The following RAP1A variants were observed in gnomAD, a reference collection of about 807,000 sequenced individuals.
RAP1A encodes ras-related protein Rap-1A.
In RAP1A, 6 loss-of-function variants were observed where a neutral mutation model predicts 26.4. The observed-to-expected ratio is 0.23, with a 90% CI of 0.12 to 0.45. RAP1A has a LOEUF of 0.45. RAP1A is among the 20% of genes least tolerant of loss of function. The pLI, the probability that RAP1A is intolerant of heterozygous loss-of-function variation, is 0.99. For synonymous variants in RAP1A, 73 were observed against 79.4 expected, an observed-to-expected ratio of 0.92 and a Z score of 0.43; for missense variants, 121 against 217.2, an observed-to-expected ratio of 0.56 and a Z score of 2.78.
Position 111,611,720 on chromosome 1 carries a change from G to C in RAP1A, c.-28+69211G>C, listed in dbSNP as rs550935148. Among the ~76,000 whole-genome samples the C allele has an allele frequency of 2.6e-5, 4 of 152,298 alleles. No homozygotes were observed. The South Asian group carries it at 6.2e-4, about 24-fold the overall frequency. On this transcript the variant is annotated intron_variant, in intron 1 of 7. Transcript: ENST00000356415. ...TTACACACACAGCTGGTAAGAAGCA[G>C]GATCAGAATTTGAACTCACGCTGTG...
chr1:111,613,270 G>T (rs1017596996), intron 1 of RAP1A, among the ~76,000 whole-genome samples: 2 of 151,690 alleles, frequency 1.3e-5, no homozygotes. Context: ...CACTATCTCG[G>T]CCCACTGCAA....
rs1662536922 is a variant in RAP1A, at chr1:111,716,151, AT to A, written c.*3751del. ...TAAGGTGCTAAATATGTGTTAAAAT[AT>A]CCCCTCTTGAATCAGCTCCAGGCTT... is the stretch of plus-strand genomic sequence containing the variant. On this transcript the variant is annotated 3_prime_UTR_variant, in exon 8 of 8. Coordinates refer to ENST00000369709, the MANE Select transcript of RAP1A (RefSeq NM_002884.4). The A allele has an allele frequency of 6.6e-6, 1 of 152,242 alleles. No individual in the cohort carries two copies. The highest frequency in any genetic ancestry group is 6.5e-5 in the Admixed American group (1 of 15,290). The allele number at this position is 152,242 out of a possible 1,614,324, so 9.4% of individuals were successfully genotyped here.
intron 1 of RAP1A, among the ~76,000 whole-genome samples, chr1:111,586,701 C>T (rs1195361151): frequency 1.3e-5 from 2 of 152,118 alleles, no homozygotes; most frequent in Non-Finnish European, 2.9e-5. Flanking sequence ...CAAGCGTTCC[C>T]TAAATATTTG....
At chr1:111,687,110 A>G (rs1244966763) in intron 1 of RAP1A, among the ~76,000 whole-genome samples, 1 of 151,626 alleles carries the variant, frequency 6.6e-6, no homozygotes, top group Non-Finnish European at 1.5e-5. Flanking sequence ...TTTCAATTCT[A>G]CCATCTTGCC....
At chr1:111,597,647 G>A (rs183316724) in intron 1 of RAP1A, among the ~76,000 whole-genome samples, 17 of 152,304 alleles carry the variant, frequency 1.1e-4, no homozygotes, top group African/African-American at 4.1e-4. Flanking sequence ...AGTGTGGGTT[G>A]AGCAATGTGA....
chr1:111,689,123 A>G (rs1661591483), intron 1 of RAP1A, among the ~76,000 whole-genome samples: 1 of 152,196 alleles, frequency 6.6e-6, no homozygotes, highest in African/African-American at 2.4e-5. Context: ...GGCATAAGCT[A>G]CTGCACCTGG....
intron 1 of RAP1A, among the ~76,000 whole-genome samples, chr1:111,655,034 A>G (rs990622512): frequency 2.6e-5 from 4 of 151,852 alleles, no homozygotes; most frequent in African/African-American, 9.7e-5. Context: ...CCCTGTCTGA[A>G]AAAATAAATG....
At chr1:111,660,173 A>C (rs1557881835) in intron 1 of RAP1A, among the ~76,000 whole-genome samples, 1 of 152,216 alleles carries the variant, frequency 6.6e-6, no homozygotes, top group African/African-American at 2.4e-5. Flanking sequence ...AGTGTCACTT[A>C]ATACAGAGTT....
intron 1 of RAP1A, among the ~76,000 whole-genome samples, chr1:111,672,122 CA>C (rs1660994628): frequency 6.6e-6 from 1 of 152,142 alleles, no homozygotes; most frequent in South Asian, 2.1e-4. Flanking sequence ...ATTATCTGCT[CA>C]AATCTTCTAT....
chr1:111,560,138 C>T (rs1571468168), intron 1 of RAP1A, among the ~76,000 whole-genome samples: 2 of 152,250 alleles, frequency 1.3e-5, no homozygotes, highest in Middle Eastern at 6.8e-3. Flanking sequence ...GTGAGGCTGA[C>T]AAAATTGTCT....
chr1:111,648,120 G>A (rs1660129649), intron 1 of RAP1A, among the ~76,000 whole-genome samples: 1 of 150,518 alleles, frequency 6.6e-6, no homozygotes, highest in Non-Finnish European at 1.5e-5. Context: ...GCCCAGGCTG[G>A]AGTGCAGTGG....
chr1:111,678,837 A>G (rs1420078317), intron 1 of RAP1A, among the ~76,000 whole-genome samples: 1 of 151,822 alleles, frequency 6.6e-6, no homozygotes, highest in Non-Finnish European at 1.5e-5. Flanking sequence ...ATTTTTGTAT[A>G]TTCCTTAAGA....
rs187467738 is a variant in RAP1A, at chr1:111,624,226, G to A, written c.-28+4292G>A. ...ATAATTGCTGCATTACTTAATGCCA[G>A]ATTCATATCTTATGAAAAAGATTAG... On this transcript the variant is annotated intron_variant, in intron 1 of 7. Coordinates refer to ENST00000369709, the MANE Select transcript of RAP1A (RefSeq NM_002884.4). Among the ~76,000 whole-genome samples, 558 of 152,222 alleles carry A rather than the reference G, an allele frequency of 3.7e-3. 3 individuals carry two copies. Among genetic ancestry groups the A allele is most frequent in the Non-Finnish European group, 6.5e-3 (441 of 68,006 alleles).
chr1:111,648,000 G>A (rs1379190775), intron 1 of RAP1A, among the ~76,000 whole-genome samples: 2 of 151,954 alleles, frequency 1.3e-5, no homozygotes, highest in Admixed American at 1.3e-4. Context: ...ACTTTTTTCT[G>A]TTTAACATTT....
chr1:111,634,962 C>A (rs1454662385), intron 1 of RAP1A, among the ~76,000 whole-genome samples: 4 of 151,956 alleles, frequency 2.6e-5, no homozygotes, highest in African/African-American at 9.7e-5. Flanking sequence ...ATTTTATAAT[C>A]AAACTAAAAG....
chr1:111,605,605 T>A (rs1313138833), intron 1 of RAP1A, among the ~76,000 whole-genome samples: 4 of 152,244 alleles, frequency 2.6e-5, no homozygotes, highest in Non-Finnish European at 4.4e-5. Context: ...TTGTTAAAGA[T>A]GTTTCTGTCT....
chr1:111,713,605 G>A lies in RAP1A; in HGVS notation c.*1204G>A, dbSNP rs1169703759. On this transcript the variant is annotated 3_prime_UTR_variant, in exon 8 of 8. Transcript: ENST00000369709. ...AAGAATTTGAGAGAAGTGAGAGAAA[G>A]TTAAAACACATAAAAGGAATGTGTT... The A allele has an allele frequency of 6.6e-6, 1 of 152,140 alleles. No homozygotes were observed. The highest frequency in any genetic ancestry group is 1.5e-5 in the Non-Finnish European group (1 of 68,002). The allele number at this position is 152,140 out of a possible 1,614,324, so 9.4% of individuals were successfully genotyped here.
At chr1:111,653,341 TA>T (rs1660335721) in intron 1 of RAP1A, among the ~76,000 whole-genome samples, 1 of 152,090 alleles carries the variant, frequency 6.6e-6, no homozygotes, top group Non-Finnish European at 1.5e-5. Context: ...TGATGGTGGT[TA>T]TAACAGCCTT....
intron 1 of RAP1A, among the ~76,000 whole-genome samples, chr1:111,670,307 A>G (rs1010337081): frequency 6.6e-6 from 1 of 151,780 alleles, no homozygotes; most frequent in Non-Finnish European, 1.5e-5. Flanking sequence ...CCCTGTCTCT[A>G]CCAAAAATAC....
Sources: allele counts gnomAD v4.1 joint callset (sites outside exome capture counted in the v4.1 genomes callset), GRCh38; gene constraint gnomAD v4.1.1; transcripts MANE v1.5; gene names NCBI Gene and HGNC (gene_info 2026-07-23, HGNC 2026-07-21).